The following TNRC18 variants were observed in gnomAD, a reference collection of about 807,000 sequenced individuals.
TNRC18 encodes the protein trinucleotide repeat containing 18.
In TNRC18, 69 loss-of-function variants were observed where a neutral mutation model predicts 226.7. The observed-to-expected ratio is 0.30, with a 90% CI of 0.25 to 0.37. The LOEUF is 0.37. TNRC18 is among the 10% of genes least tolerant of loss of function. The probability of loss-of-function intolerance (pLI) is 1.00; values close to 1 mark genes in which losing one functional copy is unlikely to be tolerated. For missense variants in TNRC18, 4,754 were observed against 4,256.6 expected (o/e 1.12, Z -3.25); for synonymous variants, 2,449 against 1,927.6 (o/e 1.27, Z -7.09).
At chr7:5,373,439 A>G (rs1247451974) in intron 10 of TNRC18, among the ~76,000 whole-genome samples, 1 of 152,218 alleles carries the variant, frequency 6.6e-6, no homozygotes, top group African/African-American at 2.4e-5. Context: ...AGCTGGAGGC[A>G]CACAAAAGGA....
At position 5,332,618 on chromosome 7, in the gene TNRC18, C is replaced by CA; in HGVS notation, c.6147+3_6147+4insT. On this transcript the variant is annotated splice_donor_region_variant and intron_variant, in intron 19 of 29. Coordinates refer to ENST00000430969, the MANE Select transcript of TNRC18 (RefSeq NM_001080495.3). The stretch of plus-strand genomic sequence containing the variant: ...GCGGCACCCCCTCCCAGCGCGGCCC[C>CA]TACCTTCCTGGGGTCCTTCCTGTCC... The CA allele has an allele frequency of 6.6e-7, 1 of 1,522,984 alleles. No individual in the cohort carries two copies. Among genetic ancestry groups the CA allele is most frequent in the Admixed American group, 2.1e-5 (1 of 46,814 alleles). 94.3% of individuals were successfully genotyped at this position (1,522,984 alleles called of 1,614,324 possible). A position where few individuals can be genotyped will look rare whatever the true frequency, so the allele number is the denominator to read the frequency against.
At chr7:5,359,769 G>A (rs1465320367) in intron 14 of TNRC18, among the ~76,000 whole-genome samples, 200 bp from the exon 15 acceptor site, 1 of 152,210 alleles carries the variant, frequency 6.6e-6, no homozygotes, top group African/African-American at 2.4e-5. Context: ...CAGAATGAGA[G>A]TTTAAGGTGA....
chr7:5,389,305 C>T lies in TNRC18; in HGVS notation c.519G>A (p.Pro173=). 7.8e-7 allele frequency: 1 copy of T among 1,282,696 alleles called. No homozygotes were observed. The highest frequency in any genetic ancestry group is 2.6e-5 in the South Asian group (1 of 38,044). 79.5% of individuals were successfully genotyped at this position (1,282,696 alleles called of 1,614,324 possible). The part of the protein sequence containing the change: ...DGFYLPTAGA[P]GSLHSHAPSA... ...AGGGCGCGTGAGAGTGCAGGGAGCC[C>T]GGAGCCCCCGCGGTGGGCAGGTAGA... Residue 173 remains proline, a synonymous_variant, in exon 5 of 30, where the codon CCG becomes CCA. Transcript: ENST00000430969.
chr7:5,334,226 G>A (rs533505198), intron 18 of TNRC18, among the ~76,000 whole-genome samples: 6 of 152,338 alleles, frequency 3.9e-5, no homozygotes, highest in African/African-American at 1.4e-4. Flanking sequence ...TGAAGCCACA[G>A]CAACAGGGGC....
At chr7:5,330,483 G>A (rs1431165135) in intron 19 of TNRC18, among the ~76,000 whole-genome samples, 1 of 151,440 alleles carries the variant, frequency 6.6e-6, no homozygotes, top group Non-Finnish European at 1.5e-5. Context: ...CTGGCCTCAA[G>A]GGATCCTCCC....
intron 8 of TNRC18, 59 bp downstream of exon 8, chr7:5,376,788 A>C: frequency 6.4e-7 from 1 of 1,573,164 alleles, no homozygotes; most frequent in Non-Finnish European, 8.6e-7. Context: ...GGCATCAGAG[A>C]CCATCTCGCT....
At chr7:5,326,993 A>G (rs1009136589) in intron 19 of TNRC18, among the ~76,000 whole-genome samples, 8 of 151,762 alleles carry the variant, frequency 5.3e-5, no homozygotes, top group Non-Finnish European at 1.0e-4. Context: ...GCATGGTGGC[A>G]CACGCCTGTA....
Position 5,377,488 on chromosome 7 carries a change from C to A in TNRC18, c.2344G>T (p.Gly782Cys), listed in dbSNP as rs1254497478. The A allele has an allele frequency of 1.3e-6, 2 of 1,582,736 alleles. No homozygotes were observed. Among genetic ancestry groups the A allele is most frequent in the African/African-American group, 2.7e-5 (2 of 74,336 alleles). The change falls in exon 7 of 30, where the codon GGC (glycine) becomes TGC (cysteine). Residue 782 changes from glycine (G) to cysteine (C), a missense_variant. Physicochemically the swap from Gly to Cys is radical, Grantham distance 159. Coordinates refer to ENST00000430969, the MANE Select transcript of TNRC18 (RefSeq NM_001080495.3). This position sits in a 1 kb window ranked among gnomAD's most constrained non-coding sequence, Gnocchi z 5.8. ...GLNPNLMVTG[G>C]PALAGSGRWS... ...CGACCTGAGCCCGCCAGCGCCGGGC[C>A]CCCCGTCACCATGAGGTTGGGGTTC...
intron 2 of TNRC18, among the ~76,000 whole-genome samples, chr7:5,415,534 C>T (rs192960937): frequency 6.6e-6 from 1 of 151,758 alleles, no homozygotes; most frequent in Non-Finnish European, 1.5e-5. Flanking sequence ...CCCGCCACCA[C>T]ACCCAGCCAA....
intron 18 of TNRC18, among the ~76,000 whole-genome samples, chr7:5,345,179 G>C (rs1250593304): frequency 6.6e-6 from 1 of 152,110 alleles, no homozygotes; most frequent in Non-Finnish European, 1.5e-5. Flanking sequence ...CCTGTGTCTC[G>C]GGTAACCCCA....
chr7:5,317,264 G>A (rs1345601468), intron 24 of TNRC18, among the ~76,000 whole-genome samples: 2 of 152,020 alleles, frequency 1.3e-5, no homozygotes, highest in Non-Finnish European at 2.9e-5. Flanking sequence ...AGCAGAAGGA[G>A]GGGGGACCGG....
intron 2 of TNRC18, among the ~76,000 whole-genome samples, chr7:5,418,126 C>T (rs191551676): frequency 4.4e-4 from 67 of 152,300 alleles, no homozygotes; most frequent in Admixed American, 7.8e-4. Flanking sequence ...CAAAATCCTA[C>T]TAATAGCTCT....
intron 3 of TNRC18, among the ~76,000 whole-genome samples, chr7:5,390,852 C>A (rs916274697): frequency 3.3e-5 from 5 of 152,118 alleles, no homozygotes; most frequent in Non-Finnish European, 7.4e-5. Flanking sequence ...TCCAGTCCCC[C>A]CCAGAAAGAG....
At position 5,394,517 on chromosome 7, in the gene TNRC18, G is replaced by C; in HGVS notation, c.266C>G (p.Pro89Arg). The C allele has an allele frequency of 6.4e-7, 1 of 1,556,376 alleles. No individual in the cohort carries two copies. Among genetic ancestry groups the C allele is most frequent in the South Asian group, 1.2e-5 (1 of 84,218 alleles). The change falls in exon 3 of 30, where the codon CCC (proline) becomes CGC (arginine). Residue 89 changes from proline (P) to arginine (R), a missense_variant. Physicochemically the swap from Pro to Arg is moderately radical, Grantham distance 103. Coordinates refer to ENST00000430969, the MANE Select transcript of TNRC18 (RefSeq NM_001080495.3). This position sits in a 1 kb window ranked among gnomAD's most constrained non-coding sequence, Gnocchi z 4.5. ...TGGGGAGCGGAAAGACAGGTCAGAGGGCAGTGGCACTGGGCTCCCATGGGA... is the reference window on the plus strand; with the variant it reads ...TGGGGAGCGGAAAGACAGGTCAGAGCGCAGTGGCACTGGGCTCCCATGGGA... ...ASSHGSPVPL[P>R]SDLSFRSPTP...
chr7:5,383,193 G>A (rs1002282311), intron 5 of TNRC18, among the ~76,000 whole-genome samples: 4 of 152,134 alleles, frequency 2.6e-5, no homozygotes, highest in Admixed American at 6.5e-5. Flanking sequence ...ATGAGCCGCC[G>A]CATCTGGCAA....
At chr7:5,321,029 G>A (rs58545464) in intron 22 of TNRC18, 44 bp downstream of exon 22, 1 of 1,386,264 alleles carries the variant, frequency 7.2e-7, no homozygotes, top group Non-Finnish European at 9.9e-7. Context: ...CACGGGGCGG[G>A]TATGGGACAC....
intron 5 of TNRC18, among the ~76,000 whole-genome samples, chr7:5,386,064 A>G (rs1180911370): frequency 1.3e-5 from 2 of 149,920 alleles, no homozygotes; most frequent in East Asian, 3.9e-4. Flanking sequence ...AGGCGGGTGG[A>G]TCACTTGAGG....
chr7:5,376,802 C>G, intron 8 of TNRC18, 45 bp downstream of exon 8: 1 of 1,591,956 alleles, frequency 6.3e-7, no homozygotes, highest in Non-Finnish European at 8.5e-7. Context: ...TCTCGCTGGG[C>G]ATGGCCAGTC....
intron 2 of TNRC18, among the ~76,000 whole-genome samples, chr7:5,419,055 A>T (rs1280709892): frequency 6.6e-6 from 1 of 152,198 alleles, no homozygotes; most frequent in Admixed American, 6.5e-5. Flanking sequence ...CGGCGTGCAG[A>T]AGTCAGGCAG....
Sources: gnomAD v4.1 joint callset for allele counts (sites outside exome capture counted in the v4.1 genomes callset) on GRCh38, gnomAD v4.1.1 for gene constraint, Gnocchi (gnomAD v3.1) non-coding constraint, MANE v1.5 for transcripts, NCBI Gene and HGNC (gene_info 2026-07-23, HGNC 2026-07-21) for gene names.